Variants in RUSC2 observed in about 807,000 individuals in gnomAD.
RUSC2 encodes the protein RUN and SH3 domain containing 2, also known as AP-4 complex accessory subunit RUSC2.
A neutral mutation model predicts 122.2 loss-of-function variants in RUSC2; 34 were observed. The observed-to-expected ratio is 0.28, with a 90% CI of 0.21 to 0.37. RUSC2 has a LOEUF of 0.37. Ranked by LOEUF, RUSC2 falls within the 10% of genes least tolerant of loss-of-function variation. The probability of loss-of-function intolerance (pLI) is 1.00; values close to 1 mark genes in which losing one functional copy is unlikely to be tolerated. For missense variants in RUSC2, 1,747 were observed against 1,952.4 expected (o/e 0.89, Z 1.98); for synonymous variants, 784 against 790.0 (o/e 0.99, Z 0.13).
intron 1 of RUSC2, among the ~76,000 whole-genome samples, chr9:35,494,982 A>G (rs1224103223): frequency 8.5e-6 from 1 of 117,366 alleles, no homozygotes; most frequent in Non-Finnish European, 1.7e-5. Flanking sequence ...TATATTATAT[A>G]ATATATATTT....
At chr9:35,511,195 T>C (rs1821005108) in intron 1 of RUSC2, among the ~76,000 whole-genome samples, 2 of 152,144 alleles carry the variant, frequency 1.3e-5, no homozygotes, top group African/African-American at 4.8e-5. Context: ...TTGAAACATA[T>C]CCTGCATTCT....
Position 35,490,127 on chromosome 9 carries a change from GCC to G in RUSC2, c.-137_-136del. 6.4e-6 allele frequency: 1 copy of G among 156,808 alleles called. No homozygotes were observed. Among genetic ancestry groups the G allele is most frequent in the Non-Finnish European group, 1.4e-5 (1 of 71,356 alleles). The allele number at this position is 156,808 out of a possible 1,614,324, so 9.7% of individuals were successfully genotyped here. On this transcript the variant is annotated 5_prime_UTR_variant, in exon 1 of 12. Transcript: ENST00000361226. ...CTGGAGGGCGAGACACGCCGCCGCC[GCC>G]GCCGCCGCCGGCGCGGAAGGACGAG...
At chr9:35,533,765 G>A (rs1661185956) in intron 1 of RUSC2, among the ~76,000 whole-genome samples, 1 of 152,128 alleles carries the variant, frequency 6.6e-6, no homozygotes, top group Non-Finnish European at 1.5e-5. Flanking sequence ...ATGTTTTCAA[G>A]GTTCATCCAT....
chr9:35,547,208 G>C lies in RUSC2; in HGVS notation c.687G>C (p.Trp229Cys). Reference protein sequence around the residue: ...DTSGFSFDQEWKLSSDESPRN... With the variant: ...DTSGFSFDQECKLSSDESPRN... ...CTGGCTTTTCCTTTGACCAGGAATG[G>C]AAGCTCAGTTCAGATGAATCCCCAA... is the stretch of plus-strand genomic sequence containing the variant. Residue 229 changes from tryptophan (W) to cysteine (C), a missense_variant, in exon 2 of 12, where the codon TGG becomes TGC. Trp to Cys is a radical substitution (Grantham distance 215, BLOSUM62 -2). Coordinates refer to ENST00000361226, the MANE Select transcript of RUSC2 (RefSeq NM_014806.5). This position sits in a 1 kb window ranked among gnomAD's most constrained non-coding sequence, Gnocchi z 4.6. 6.2e-7 allele frequency: 1 copy of C among 1,614,186 alleles called. No homozygotes were observed. Among genetic ancestry groups the C allele is most frequent in the Non-Finnish European group, 8.5e-7 (1 of 1,180,028 alleles).
intron 1 of RUSC2, among the ~76,000 whole-genome samples, chr9:35,495,112 ACAT>A (rs1587831871): frequency 3.0e-5 from 1 of 33,704 alleles, no homozygotes; most frequent in East Asian, 6.3e-4. Flanking sequence ...TATATATTAT[ACAT>A]TATATACACT....
intron 2 of RUSC2, among the ~76,000 whole-genome samples, chr9:35,552,465 A>C (rs1296911715): frequency 6.6e-6 from 1 of 152,280 alleles, no homozygotes. Flanking sequence ...CTGAATCTTG[A>C]AAGAACAAAA....
intron 1 of RUSC2, among the ~76,000 whole-genome samples, chr9:35,512,106 G>A (rs1002309321): frequency 3.5e-4 from 53 of 152,032 alleles, no homozygotes; most frequent in African/African-American, 1.3e-3. Context: ...GCATGAACCC[G>A]GGAGGCGGAG....
rs772229938 is a variant in RUSC2, at chr9:35,557,970, A to C, written c.3040A>C (p.Ser1014Arg). ...VDLIVAHFGT[S>R]RDPGVKAKLG... ...CCTCATTGTGGCTCATTTTGGCACA[A>C]GCCGGGATCCCGGGGTGAAGGTAGG... Residue 1014 changes from serine (S) to arginine (R), a missense_variant, in exon 6 of 12, where the codon AGC (serine) becomes CGC (arginine). Transcript: ENST00000361226. This position sits in a 1 kb window ranked among gnomAD's most constrained non-coding sequence, Gnocchi z 4.6. 6.2e-7 allele frequency: 1 copy of C among 1,614,210 alleles called. No individual in the cohort carries two copies. The highest frequency in any genetic ancestry group is 1.1e-5 in the South Asian group (1 of 91,082).
chr9:35,498,540 A>G lies in RUSC2; in HGVS notation c.-93+8368A>G, dbSNP rs968879544. ...GCCACTGCACTCAAGCCTGGGAGACAGAGCAAGACTCTGTCTCAAAAAAAG... is the reference window on the plus strand; with the variant it reads ...GCCACTGCACTCAAGCCTGGGAGACGGAGCAAGACTCTGTCTCAAAAAAAG... On this transcript the variant is annotated intron_variant, in intron 1 of 11. Coordinates refer to ENST00000361226, the MANE Select transcript of RUSC2 (RefSeq NM_014806.5). 4.6e-5 allele frequency among the ~76,000 whole-genome samples: 7 copies of G among 151,758 alleles called. 1 individual carries two copies. The highest frequency in any genetic ancestry group is 3.3e-4 in the Admixed American group (5 of 15,232).
At chr9:35,496,521 A>G (rs1820716809) in intron 1 of RUSC2, among the ~76,000 whole-genome samples, 1 of 152,190 alleles carries the variant, frequency 6.6e-6, no homozygotes. Flanking sequence ...AAGGTGATGC[A>G]TGGGATCCAT....
At chr9:35,538,121 GGGATTCT>G (rs1292271566) in intron 1 of RUSC2, among the ~76,000 whole-genome samples, 1 of 152,152 alleles carries the variant, frequency 6.6e-6, no homozygotes, top group African/African-American at 2.4e-5. Context: ...CCTGGCTAGA[GGGATTCT>G]GCCTTCACAC....
intron 1 of RUSC2, among the ~76,000 whole-genome samples, chr9:35,531,123 T>TGC (rs1821410546): frequency 6.6e-6 from 1 of 151,914 alleles, no homozygotes; most frequent in African/African-American, 2.4e-5. Flanking sequence ...TAGCCGGGCT[T>TGC]GGTGTCGGGT....
chr9:35,547,648 T>C lies in RUSC2; in HGVS notation c.1127T>C (p.Val376Ala). The part of the protein sequence containing the change: ...YRPHCEPCPA[V>A]ADLTACFQSQ... The stretch of plus-strand genomic sequence containing the variant: ...CCACACTGTGAGCCGTGCCCAGCAG[T>C]GGCTGACCTCACAGCCTGCTTCCAA... The change falls in exon 2 of 12, where the codon GTG becomes GCG. Residue 376 changes from valine (V) to alanine (A), a missense_variant. Val to Ala is a moderately conservative substitution (Grantham distance 64). Transcript: ENST00000361226. The surrounding 1 kb of genome is among the most constrained non-coding windows in gnomAD (Gnocchi z 4.6). 2 of 1,614,224 alleles carry C rather than the reference T, an allele frequency of 1.2e-6. No individual in the cohort carries two copies. The highest frequency in any genetic ancestry group is 8.5e-7 in the Non-Finnish European group (1 of 1,180,038).
rs781627362 is a variant in RUSC2, at chr9:35,546,510, G to A, written c.-12G>A. The A allele has an allele frequency of 2.9e-5, 41 of 1,403,990 alleles. No individual in the cohort carries two copies. The highest frequency in any genetic ancestry group is 1.2e-4 in the African/African-American group (8 of 68,198). 87.0% of individuals were successfully genotyped at this position (1,403,990 alleles called of 1,614,324 possible). ...TCTGGTGCTGTTGAAGCCCTTATTC[G>A]AACTTTCCAGAATGGATAGTCCCCC... On this transcript the variant is annotated 5_prime_UTR_variant, in exon 2 of 12. Transcript: ENST00000361226. This position sits in a 1 kb window ranked among gnomAD's most constrained non-coding sequence, Gnocchi z 4.3.
At chr9:35,524,489 A>G (rs1000911187) in intron 1 of RUSC2, among the ~76,000 whole-genome samples, 2 of 152,216 alleles carry the variant, frequency 1.3e-5, no homozygotes, top group African/African-American at 4.8e-5. Flanking sequence ...TAACTTTACA[A>G]TGGAGAAACC....
chr9:35,551,979 G>A (rs376798166), intron 2 of RUSC2, among the ~76,000 whole-genome samples: 2 of 151,994 alleles, frequency 1.3e-5, no homozygotes, highest in African/African-American at 4.8e-5. Context: ...CAGGAGGATC[G>A]CCTGAGCCCA....
intron 1 of RUSC2, among the ~76,000 whole-genome samples, chr9:35,498,949 G>A (rs1001652394): frequency 2.0e-4 from 30 of 151,876 alleles, no homozygotes; most frequent in African/African-American, 6.5e-4. Context: ...GTCCTTAATA[G>A]ACACTGAAAA....
At chr9:35,500,535 C>T (rs561083849) in intron 1 of RUSC2, among the ~76,000 whole-genome samples, 1 of 152,176 alleles carries the variant, frequency 6.6e-6, no homozygotes, top group Non-Finnish European at 1.5e-5. Flanking sequence ...GATTTTATTT[C>T]ACAATTTTGT....
intron 1 of RUSC2, among the ~76,000 whole-genome samples, chr9:35,501,638 G>C (rs1820818859): frequency 6.6e-6 from 1 of 152,174 alleles, no homozygotes; most frequent in African/African-American, 2.4e-5. Context: ...GGTAGAAAGA[G>C]ATAAAGATAA....
Sources: gnomAD v4.1 joint callset for allele counts (sites outside exome capture counted in the v4.1 genomes callset) on GRCh38, gnomAD v4.1.1 for gene constraint, Gnocchi (gnomAD v3.1) non-coding constraint, MANE v1.5 for transcripts, NCBI Gene and HGNC (gene_info 2026-07-23, HGNC 2026-07-21) for gene names.